AGBL1: variants seen among roughly 807,000 people sequenced by gnomAD.
The protein encoded by AGBL1 is AGBL carboxypeptidase 1, also known as cytosolic carboxypeptidase 4.
A neutral mutation model predicts 118.9 loss-of-function variants in AGBL1; 130 were observed. That is an observed-to-expected ratio of 1.09 (90% CI 0.95 to 1.26). The LOEUF (loss-of-function observed/expected upper bound fraction) is 1.26, where lower values mean the gene tolerates loss of function less well. AGBL1 is among the 50% of genes most tolerant of loss of function. The pLI is 0.00. For missense variants in AGBL1, 1,584 were observed against 1,298.1 expected, an observed-to-expected ratio of 1.22 and a Z score of -3.38; for synonymous variants, 555 against 478.9, an observed-to-expected ratio of 1.16 and a Z score of -2.08.
intron 1 of AGBL1, among the ~76,000 whole-genome samples, chr15:86,110,613 C>A (rs185787826): frequency 3.3e-5 from 5 of 152,118 alleles, no homozygotes; most frequent in African/African-American, 1.2e-4. Flanking sequence ...CCATGCTGTC[C>A]AAGGGCCAAC....
intron 3 of AGBL1, among the ~76,000 whole-genome samples, chr15:86,147,815 C>T (rs1408582933): frequency 6.6e-6 from 1 of 152,240 alleles, no homozygotes; most frequent in Non-Finnish European, 1.5e-5. Flanking sequence ...AAGTGTGTCC[C>T]TGACCCCCAT....
At chr15:86,100,945 T>C in intron 1 of AGBL1, among the ~76,000 whole-genome samples, 1 of 152,206 alleles carries the variant, frequency 6.6e-6, no homozygotes, top group Admixed American at 6.5e-5. Flanking sequence ...TCTAGTTGTT[T>C]CATGTGCATT....
chr15:86,215,264 T>TGTGA (rs1444877454), intron 5 of AGBL1, among the ~76,000 whole-genome samples: 1 of 149,904 alleles, frequency 6.7e-6, no homozygotes. Context: ...TGTGTGTGTG[T>TGTGA]GATTTTATGC....
intron 1 of AGBL1, among the ~76,000 whole-genome samples, chr15:86,121,015 A>G (rs1191115095): frequency 1.3e-5 from 2 of 151,224 alleles, no homozygotes; most frequent in African/African-American, 4.9e-5. Context: ...TCCTGCCTCA[A>G]CCTCCTGAGT....
intron 17 of AGBL1, among the ~76,000 whole-genome samples, chr15:86,328,832 C>G (rs561533294): frequency 6.6e-6 from 1 of 152,288 alleles, no homozygotes; most frequent in African/African-American, 2.4e-5. Flanking sequence ...CACTGGGAAA[C>G]GCTGCAGGCA....
rs142358880 is a variant in AGBL1 at position 86,373,963 on chromosome 15, C to CTAGACTA, written c.2375-23402_2375-23401insAGACTAT. Among the ~76,000 whole-genome samples the CTAGACTA allele has an allele frequency of 4.1e-3, 618 of 152,326 alleles. 1 individual carries two copies. The highest frequency in any genetic ancestry group is 0.014 in the African/African-American group (599 of 41,568). ...TTACTAACTGATAATTCACTACCCC[C>CTAGACTA]TGCCCTAGACAAGGTCCTGTGGCAT... On this transcript the variant is annotated intron_variant, in intron 17 of 22. Transcript: ENST00000614907.
At chr15:86,524,188 G>T (rs528951390) in intron 19 of AGBL1, among the ~76,000 whole-genome samples, 1 of 152,142 alleles carries the variant, frequency 6.6e-6, no homozygotes, top group African/African-American at 2.4e-5. Context: ...ATGGCAGAGT[G>T]GGAATTCAGT....
chr15:86,301,644 GTGT>G (rs1567187568), intron 17 of AGBL1, among the ~76,000 whole-genome samples: 44 of 1,264 alleles, frequency 0.035, no homozygotes, highest in Middle Eastern at 0.5. Flanking sequence ...TCTACAGGGT[GTGT>G]GTGTGTGTGT....
downstream of AGBL1, among the ~76,000 whole-genome samples, chr15:87,029,836 T>G (rs2081768097): frequency 6.6e-6 from 1 of 151,688 alleles, no homozygotes; most frequent in African/African-American, 2.4e-5. Flanking sequence ...TGCAAACACA[T>G]GCACACACAA....
At chr15:86,687,721 T>C (rs2086085212) in intron 22 of AGBL1, among the ~76,000 whole-genome samples, 1 of 152,136 alleles carries the variant, frequency 6.6e-6, no homozygotes, top group South Asian at 2.1e-4. Context: ...ATCTGCACGT[T>C]TTTGTTGAGT....
chr15:86,925,864 G>A (rs537982631), intron 23 of AGBL1, among the ~76,000 whole-genome samples: 316 of 151,758 alleles, frequency 2.1e-3, no homozygotes, highest in Non-Finnish European at 3.8e-3. Flanking sequence ...CCAAGTAGCT[G>A]GGACTACAGG....
At chr15:86,224,322 T>G (rs2078325512) in intron 5 of AGBL1, among the ~76,000 whole-genome samples, 1 of 152,124 alleles carries the variant, frequency 6.6e-6, no homozygotes, top group South Asian at 2.1e-4. Flanking sequence ...TATGTGTCCC[T>G]TTGTTGCAAA....
At chr15:86,611,337 A>G (rs1279449127) in intron 21 of AGBL1, among the ~76,000 whole-genome samples, 2 of 152,242 alleles carry the variant, frequency 1.3e-5, no homozygotes, top group Non-Finnish European at 2.9e-5. Context: ...CAGCCATCTT[A>G]AATTAGCAGA....
chr15:86,495,647 C>T (rs1345220417), intron 18 of AGBL1, among the ~76,000 whole-genome samples: 1 of 151,784 alleles, frequency 6.6e-6, no homozygotes, highest in Non-Finnish European at 1.5e-5. Context: ...TAATTCAATT[C>T]CATTTTGATT....
rs2080303399 is a variant in AGBL1, at chr15:86,907,991, A to G, written c.*697A>G. The G allele has an allele frequency of 6.6e-6, 1 of 152,180 alleles. No individual in the cohort carries two copies. The highest frequency in any genetic ancestry group is 2.4e-5 in the African/African-American group (1 of 41,434). The allele number at this position is 152,180 out of a possible 1,614,324, so 9.4% of individuals were successfully genotyped here. ...CTATGTATTCAGATCACCAAACATA[A>G]TGCTAGGAAGTACCAGACCTACTGG... On this transcript the variant is annotated 3_prime_UTR_variant, in exon 23 of 23. Coordinates refer to ENST00000614907, the MANE Select transcript of AGBL1 (RefSeq NM_001386094.1).
chr15:86,423,397 A>T (rs1413133700), intron 18 of AGBL1, among the ~76,000 whole-genome samples: 3 of 152,170 alleles, frequency 2.0e-5, no homozygotes, highest in Non-Finnish European at 4.4e-5. Context: ...AAAAACTCTC[A>T]ATAAACTAGG....
At chr15:86,197,614 T>C (rs1479532962) in intron 5 of AGBL1, among the ~76,000 whole-genome samples, 1 of 152,074 alleles carries the variant, frequency 6.6e-6, no homozygotes, top group Non-Finnish European at 1.5e-5. Context: ...AAGAAAGAAA[T>C]TGACAAAGGA....
chr15:86,740,106 T>C (rs767741578), intron 22 of AGBL1, among the ~76,000 whole-genome samples: 3 of 152,324 alleles, frequency 2.0e-5, no homozygotes, highest in South Asian at 2.1e-4. Context: ...GCTAGAGCCT[T>C]AGTAATTTAA....
chr15:86,444,955 A>G (rs1419890899), intron 18 of AGBL1, among the ~76,000 whole-genome samples: 5 of 152,220 alleles, frequency 3.3e-5, no homozygotes, highest in Non-Finnish European at 7.3e-5. Context: ...ATTGAGATAC[A>G]TTAGATTGCA....
Sources: allele counts gnomAD v4.1 joint callset (sites outside exome capture counted in the v4.1 genomes callset), GRCh38; gene constraint gnomAD v4.1.1; transcripts MANE v1.5; gene names NCBI Gene and HGNC (gene_info 2026-07-23, HGNC 2026-07-21).